EHMT2: variants seen among roughly 807,000 people sequenced by gnomAD.
EHMT2 encodes histone-lysine N-methyltransferase EHMT2.
Under a neutral mutation model 143.3 loss-of-function variants are expected in EHMT2, and 59 were observed. That is an observed-to-expected ratio of 0.41 (90% CI 0.33 to 0.51). EHMT2 has a LOEUF of 0.51. Ranked by LOEUF, EHMT2 falls within the 20% of genes least tolerant of loss-of-function variation. The probability of loss-of-function intolerance (pLI) is 0.18; values close to 1 mark genes in which losing one functional copy is unlikely to be tolerated. For missense variants in EHMT2, 1,174 were observed against 1,645.9 expected, an observed-to-expected ratio of 0.71 and a Z score of 4.96; for synonymous variants, 604 against 651.5, an observed-to-expected ratio of 0.93 and a Z score of 1.11.
At position 31,892,393 on chromosome 6, in the gene EHMT2, C is replaced by G; in HGVS notation, c.864+14G>C. 6.2e-7 allele frequency: 1 copy of G among 1,610,680 alleles called. No individual in the cohort carries two copies. Among genetic ancestry groups the G allele is most frequent in the East Asian group, 2.2e-5 (1 of 44,866 alleles). The stretch of plus-strand genomic sequence containing the variant: ...GGGAGCACCGGCGGGGAGGGCAGAC[C>G]AGCTCTGTCTCACCTTGCTGTCGGA... On this transcript the variant is annotated intron_variant, in intron 7 of 27. Transcript: ENST00000375537.
At chr6:31,897,661 C>CCCG (rs988574842) in exon 1 of EHMT2, 46 of 1,163,814 alleles carry the variant, frequency 4.0e-5, no homozygotes, top group Non-Finnish European at 4.5e-5. Context: ...CGCTGCAGCT[C>CCCG]CCGCCGCCGC....
chr6:31,889,165 G>T lies in EHMT2; in HGVS notation c.1114+63C>A. On this transcript the variant is annotated intron_variant, in intron 9 of 27. Coordinates refer to ENST00000375537, the Ensembl canonical transcript of EHMT2. The surrounding 1 kb of genome is among the most constrained non-coding windows in gnomAD (Gnocchi z 5.1). Reference sequence around the variant, plus strand: ...GACATGCGAGAGCGTGTGTGTGCGTGCACACACTCTGGGGGGCCGGGCGGG... The same window carrying T: ...GACATGCGAGAGCGTGTGTGTGCGTTCACACACTCTGGGGGGCCGGGCGGG... 1 of 1,550,536 alleles carries T rather than the reference G, an allele frequency of 6.4e-7. No homozygotes were observed. Among genetic ancestry groups the T allele is most frequent in the Non-Finnish European group, 8.8e-7 (1 of 1,141,436 alleles).
chr6:31,886,910 A>C lies in EHMT2; in HGVS notation c.2119-13T>G, dbSNP rs1289991380. ...TGTTGGCTCCAGCCTGTGAGGGGGC[A>C]GGAGGGCTGGCACCAGGGAGGCATG... On this transcript the variant is annotated splice_polypyrimidine_tract_variant and intron_variant, in intron 16 of 27. Transcript: ENST00000375537. 6.2e-7 allele frequency: 1 copy of C among 1,613,900 alleles called. No individual in the cohort carries two copies. The highest frequency in any genetic ancestry group is 2.2e-5 in the East Asian group (1 of 44,900).
rs2151629644 is a variant in EHMT2, at chr6:31,889,036, C to T, written c.1149G>A (p.Glu383=). Residue 383 remains glutamate (E), a synonymous_variant, in exon 10 of 28, where the codon GAG becomes GAA. Coordinates refer to ENST00000375537, the Ensembl canonical transcript of EHMT2. This position sits in a 1 kb window ranked among gnomAD's most constrained non-coding sequence, Gnocchi z 5.1. ...GGGACCCCAGAGGGACCTCCATGTA[C>T]TCACTGGGGCCTGAGGAGCCCACAC... 3 of 1,604,606 alleles carry T rather than the reference C, an allele frequency of 1.9e-6. No individual in the cohort carries two copies. Among genetic ancestry groups the T allele is most frequent in the Admixed American group, 3.5e-5 (2 of 57,952 alleles).
chr6:31,888,783 T>C lies in EHMT2; in HGVS notation c.1217-36A>G. On this transcript the variant is annotated intron_variant, in intron 10 of 27. Coordinates refer to ENST00000375537, the Ensembl canonical transcript of EHMT2. The surrounding 1 kb of genome is among the most constrained non-coding windows in gnomAD (Gnocchi z 7.4). ...GGAAAAGAGGAGCTGAGGGAGGCTC[T>C]GCACCTCACCTACTGGGACCCCTGG... 6.2e-7 allele frequency: 1 copy of C among 1,607,396 alleles called. No individual in the cohort carries two copies. Among genetic ancestry groups the C allele is most frequent in the Non-Finnish European group, 8.5e-7 (1 of 1,178,484 alleles).
Position 31,887,078 on chromosome 6 carries a change from G to A in EHMT2, c.2035C>T (p.Gln679Ter). ...GTGCGCTTGCTCTGCTGGTCGCTCT[G>A]GAAGTTGGGGTCCAGGTTGTCCACT... The change falls in exon 16 of 28, where the codon CAG becomes TAG. Residue 679 changes from glutamine to a stop codon, truncating the protein, a stop_gained. Coordinates refer to ENST00000375537, the Ensembl canonical transcript of EHMT2. LOFTEE classifies it high-confidence loss of function. 1 of 1,609,952 alleles carries A rather than the reference G, an allele frequency of 6.2e-7. No individual in the cohort carries two copies.
At chr6:31,887,639 T>G in exon 15 of EHMT2, 1 of 1,612,850 alleles carries the variant, frequency 6.2e-7, no homozygotes, top group Non-Finnish European at 8.5e-7. Context: ...CTGCCGAGGG[T>G]GGAAACGGAG....
chr6:31,888,536 A>T lies in EHMT2; in HGVS notation c.1366-30T>A. On this transcript the variant is annotated intron_variant, in intron 11 of 27. Coordinates refer to ENST00000375537, the Ensembl canonical transcript of EHMT2. This position sits in a 1 kb window ranked among gnomAD's most constrained non-coding sequence, Gnocchi z 7.4. ...GCGCAGTGAGGATGGGTGAGAAGAGAGCGTGAGGCTGGGGCCGGGGACTGG... is the reference window on the plus strand; with the variant it reads ...GCGCAGTGAGGATGGGTGAGAAGAGTGCGTGAGGCTGGGGCCGGGGACTGG... The T allele has an allele frequency of 6.2e-7, 1 of 1,610,348 alleles. No homozygotes were observed. Among genetic ancestry groups the T allele is most frequent in the Middle Eastern group, 1.7e-4 (1 of 6,052 alleles).
At chr6:31,897,058 G>C (rs570218496) in intron 1 of EHMT2, 69 bp from the exon 2 acceptor site, 55 of 1,506,616 alleles carry the variant, frequency 3.7e-5, no homozygotes, top group Non-Finnish European at 4.4e-5. Context: ...CAGGATGCCT[G>C]GGCCCTGGGA....
At chr6:31,879,860 G>C in exon 28 of EHMT2, 1 of 557,440 alleles carries the variant, frequency 1.8e-6, no homozygotes, top group Non-Finnish European at 3.2e-6. Flanking sequence ...GGAACACGGG[G>C]GGTGGCCAGC....
In EHMT2 at chr6:31,884,764, C is replaced by T. The variant is rs370384292; in HGVS notation, c.2484G>A (p.Thr828=). ...GGACTTCGGCGATGGCGGCGCTGCC[C>T]GTGAAGGAGGCCCAGTGCAGGCAGA... Residue 828 remains threonine, a synonymous_variant, in exon 20 of 28, where the codon ACG becomes ACA. Transcript: ENST00000375537. This position sits in a 1 kb window ranked among gnomAD's most constrained non-coding sequence, Gnocchi z 7.3. The T allele has an allele frequency of 4.4e-6, 7 of 1,601,438 alleles. No individual in the cohort carries two copies. The highest frequency in any genetic ancestry group is 1.3e-5 in the African/African-American group (1 of 74,452).
In EHMT2 at chr6:31,889,453, G is replaced by GCCTC; in HGVS notation, c.999+11_999+14dup. Reference sequence around the variant, plus strand: ...GTCTCCCACTCCTCTGGAGATATCAGCCTCCGTCTCTTACCCTATCTGACT... The same window carrying GCCTC: ...GTCTCCCACTCCTCTGGAGATATCAGCCTCCCTCCGTCTCTTACCCTATCTGACT... On this transcript the variant is annotated intron_variant, in intron 8 of 27. Coordinates refer to ENST00000375537, the Ensembl canonical transcript of EHMT2. The surrounding 1 kb of genome is among the most constrained non-coding windows in gnomAD (Gnocchi z 5.1). 1 of 1,612,146 alleles carries GCCTC rather than the reference G, an allele frequency of 6.2e-7. No individual in the cohort carries two copies. The highest frequency in any genetic ancestry group is 1.3e-5 in the African/African-American group (1 of 74,976).
intron 4 of EHMT2, 135 bp from the exon 5 acceptor site, chr6:31,893,045 C>A: frequency 1.7e-6 from 1 of 596,688 alleles, no homozygotes; most frequent in Admixed American, 3.2e-5. Flanking sequence ...TAGCCACAAA[C>A]TGGCAACCAC....
chr6:31,880,119 G>T lies in EHMT2; in HGVS notation c.3598C>A (p.Pro1200Thr). The change falls in exon 28 of 28, where the codon CCC becomes ACC. Residue 1200 changes from proline (P) to threonine (T), a missense_variant. By Grantham distance (38) the Pro-to-Thr change is conservative (BLOSUM62 -1). This residue lies in a region of EHMT2 where 42 missense variants were observed against 45.1 expected (regional missense o/e 0.93). Transcript: ENST00000375537. The surrounding 1 kb of genome is among the most constrained non-coding windows in gnomAD (Gnocchi z 6.6). ...ACAGGGGGCAGGGAGCCGAGCTCGG[G>T]CAGCAGCTCAGGGTGTGGGTCCAGG... The T allele has an allele frequency of 6.2e-7, 1 of 1,612,842 alleles. No individual in the cohort carries two copies. The highest frequency in any genetic ancestry group is 8.5e-7 in the Non-Finnish European group (1 of 1,179,980).
rs1234585069 is a variant in EHMT2, at chr6:31,881,351, G to A, written c.3198-259C>T. 1.7e-6 allele frequency: 1 copy of A among 577,684 alleles called. No individual in the cohort carries two copies. Among genetic ancestry groups the A allele is most frequent in the Non-Finnish European group, 3.1e-6 (1 of 322,860 alleles). The allele number at this position is 577,684 out of a possible 1,614,324, so 35.8% of individuals were successfully genotyped here. A position where few individuals can be genotyped will look rare whatever the true frequency, so the allele number is the denominator to read the frequency against. On this transcript the variant is annotated intron_variant, in intron 25 of 27. Coordinates refer to ENST00000375537, the Ensembl canonical transcript of EHMT2. The surrounding 1 kb of genome is among the most constrained non-coding windows in gnomAD (Gnocchi z 4.8). Reference sequence around the variant, plus strand: ...ATTAATGTGTAGGGGCAGTTGGCCTGGGTGGGGAAGTTCGGGTTTGGACAC... The same window carrying A: ...ATTAATGTGTAGGGGCAGTTGGCCTAGGTGGGGAAGTTCGGGTTTGGACAC...
At position 31,889,401 on chromosome 6, in the gene EHMT2, C is replaced by T. The variant is rs1765386076; in HGVS notation, c.1000-59G>A. The T allele has an allele frequency of 6.8e-6, 11 of 1,608,508 alleles. No homozygotes were observed. The highest frequency in any genetic ancestry group is 8.5e-6 in the Non-Finnish European group (10 of 1,177,822). On this transcript the variant is annotated intron_variant, in intron 8 of 27. Transcript: ENST00000375537. The surrounding 1 kb of genome is among the most constrained non-coding windows in gnomAD (Gnocchi z 5.1). ...TCACCCCCAGGGGCCCCCCCAACAC[C>T]TTCAGGACCAGACCTCCAGCCCCAT... is the stretch of plus-strand genomic sequence containing the variant.
At position 31,883,758 on chromosome 6, in the gene EHMT2, T is replaced by C. The variant is rs745507764; in HGVS notation, c.2916+48A>G. ...GGTTTGAAGCTTGTCCAACTGTACT[T>C]GGCAGCTCTCGGTGTCCTTTTGGGG... On this transcript the variant is annotated intron_variant, in intron 22 of 27. Coordinates refer to ENST00000375537, the Ensembl canonical transcript of EHMT2. The surrounding 1 kb of genome is among the most constrained non-coding windows in gnomAD (Gnocchi z 5.6). 1.9e-6 allele frequency: 3 copies of C among 1,601,640 alleles called. No homozygotes were observed. The South Asian group carries it at 3.3e-5, about 18-fold the overall frequency.
In EHMT2 at chr6:31,883,936, C is replaced by A; in HGVS notation, c.2786G>T (p.Gly929Val). 1 of 1,613,818 alleles carries A rather than the reference C, an allele frequency of 6.2e-7. No homozygotes were observed. The highest frequency in any genetic ancestry group is 8.5e-7 in the Non-Finnish European group (1 of 1,179,906). ...ACAGGGAATGGGCACGTTCTCATAG[C>A]CCCGAGCCACGTCCCTGCAGAAGAC... is the stretch of plus-strand genomic sequence containing the variant. The change falls in exon 22 of 28, where the codon GGC becomes GTC. Residue 929 changes from glycine (G) to valine (V), a missense_variant. Physicochemically the swap from Gly to Val is moderately radical, Grantham distance 109. This residue lies in a region of EHMT2 where 608 missense variants were observed against 903.7 expected (regional missense o/e 0.67). Coordinates refer to ENST00000375537, the Ensembl canonical transcript of EHMT2. The surrounding 1 kb of genome is among the most constrained non-coding windows in gnomAD (Gnocchi z 5.6).
chr6:31,886,704 G>A (rs773534962), intron 17 of EHMT2, 22 bp from the exon 18 acceptor site: 7 of 1,614,050 alleles, frequency 4.3e-6, no homozygotes, highest in Non-Finnish European at 5.9e-6. Context: ...ACGGGCAAAT[G>A]AGCCTTTGGG....
Sources: gnomAD v4.1 joint callset for allele counts on GRCh38, gnomAD v4.1.1 for gene constraint, gnomAD v4.1.1 regional missense constraint, Gnocchi (gnomAD v3.1) non-coding constraint, MANE v1.5 for transcripts, NCBI Gene and HGNC (gene_info 2026-07-23, HGNC 2026-07-21) for gene names.